Variants in ANKRD30B observed in about 807,000 individuals in gnomAD.
ANKRD30B encodes ankyrin repeat domain 30B.
A neutral mutation model predicts 202.2 loss-of-function variants in ANKRD30B; 144 were observed. The ratio of observed to expected loss-of-function variants is 0.71; its 90% CI spans 0.62 to 0.82. ANKRD30B has a LOEUF of 0.82. Among genes scored for constraint, ANKRD30B ranks in the 40% least tolerant of loss-of-function variants. The pLI, the probability that ANKRD30B is intolerant of heterozygous loss-of-function variation, is 0.00. For missense variants in ANKRD30B, 1,487 were observed against 1,669.1 expected (o/e 0.89, Z 1.90); for synonymous variants, 508 against 561.3 (o/e 0.91, Z 1.34).
chr18:14,795,320 C>T (rs1352809953), intron 16 of ANKRD30B, among the ~76,000 whole-genome samples: 1 of 152,196 alleles, frequency 6.6e-6, no homozygotes, highest in African/African-American at 2.4e-5. Context: ...GCTCCGGCTC[C>T]CAAGTAGCTG....
At chr18:14,831,677 G>C (rs1191105625) in intron 34 of ANKRD30B, among the ~76,000 whole-genome samples, 1 of 151,832 alleles carries the variant, frequency 6.6e-6, no homozygotes, top group Non-Finnish European at 1.5e-5. Context: ...CAAATGATTG[G>C]TAAATACTCT....
chr18:14,793,043 A>T (rs1487391101), intron 16 of ANKRD30B, among the ~76,000 whole-genome samples: 1 of 152,162 alleles, frequency 6.6e-6, no homozygotes. Flanking sequence ...ATCAATATTG[A>T]GGGCTAATTA....
At chr18:14,890,613 G>A in the ANKRD30B span, among the ~76,000 whole-genome samples, 1 of 150,908 alleles carries the variant, frequency 6.6e-6, no homozygotes, top group African/African-American at 2.4e-5. Context: ...AGACATTCTG[G>A]CTCTTAATCA....
the ANKRD30B span, among the ~76,000 whole-genome samples, chr18:14,925,494 G>GGGTTTT: frequency 6.6e-5 from 10 of 152,252 alleles, no homozygotes; most frequent in Admixed American, 1.3e-4. Flanking sequence ...CTACAGCCTG[G>GGGTTTT]GGTTTTGGTT....
chr18:14,755,237 T>C (rs1163209830), intron 4 of ANKRD30B, among the ~76,000 whole-genome samples: 1 of 152,182 alleles, frequency 6.6e-6, no homozygotes, highest in African/African-American at 2.4e-5. Flanking sequence ...TTATTTGTAA[T>C]CTGATGATTT....
At chr18:14,824,308 A>G (rs1970578074) in intron 32 of ANKRD30B, among the ~76,000 whole-genome samples, 1 of 152,216 alleles carries the variant, frequency 6.6e-6, no homozygotes, top group Non-Finnish European at 1.5e-5. Flanking sequence ...GCTTCAACTA[A>G]TATTAGAAAT....
intron 32 of ANKRD30B, chr18:14,825,030 G>A (rs1377234150): frequency 6.6e-6 from 1 of 152,170 alleles, no homozygotes; most frequent in Non-Finnish European, 1.5e-5. Flanking sequence ...GCTTTAAGCA[G>A]CTTTTTCAAT....
the ANKRD30B span, among the ~76,000 whole-genome samples, chr18:14,873,099 G>C: frequency 2.6e-5 from 4 of 152,244 alleles, no homozygotes; most frequent in African/African-American, 9.6e-5. Context: ...GTCTGGGACA[G>C]TGGAACGTAG....
intron 4 of ANKRD30B, among the ~76,000 whole-genome samples, chr18:14,756,442 C>T (rs1914379824): frequency 6.6e-6 from 1 of 152,100 alleles, no homozygotes; most frequent in African/African-American, 2.4e-5. Flanking sequence ...GCTTTTGTTG[C>T]CATTGCTTTT....
At chr18:14,850,942 AT>A (rs1423028800) in intron 41 of ANKRD30B, among the ~76,000 whole-genome samples, 1 of 151,924 alleles carries the variant, frequency 6.6e-6, no homozygotes, top group Non-Finnish European at 1.5e-5. Flanking sequence ...TCCTTTCAGA[AT>A]TGTGATAACT....
At chr18:14,759,473 G>A (rs1350180299) in intron 5 of ANKRD30B, among the ~76,000 whole-genome samples, 2 of 152,134 alleles carry the variant, frequency 1.3e-5, no homozygotes, top group Non-Finnish European at 2.9e-5. Flanking sequence ...GTTGTTAGTA[G>A]GCCTCTCAGA....
At chr18:14,834,395 G>A (rs1348006162) in intron 34 of ANKRD30B, among the ~76,000 whole-genome samples, 1 of 151,930 alleles carries the variant, frequency 6.6e-6, no homozygotes, top group Admixed American at 6.6e-5. Context: ...CATTGAAGAA[G>A]GGTAAGATAA....
chr18:14,780,288 A>T (rs146768168), intron 11 of ANKRD30B, among the ~76,000 whole-genome samples: 1,746 of 152,196 alleles, frequency 0.011, 39 homozygotes, highest in African/African-American at 0.04. Context: ...TGTACTAAAA[A>T]TACAAAATTA....
intron 3 of ANKRD30B, 149 bp from the exon 4 acceptor site, chr18:14,754,750 C>G (rs1914058978): frequency 2.0e-6 from 1 of 501,928 alleles, no homozygotes; most frequent in South Asian, 5.9e-5. Flanking sequence ...TGGGAAAGCA[C>G]AGAAAAAGGA....
In ANKRD30B at chr18:14,763,681, G is replaced by A. The variant is rs1915616304; in HGVS notation, c.821-5G>A. 2 of 1,613,306 alleles carry A rather than the reference G, an allele frequency of 1.2e-6. No homozygotes were observed. Among genetic ancestry groups the A allele is most frequent in the Non-Finnish European group, 1.7e-6 (2 of 1,179,756 alleles). On this transcript the variant is annotated splice_region_variant and splice_polypyrimidine_tract_variant and intron_variant, in intron 6 of 43. Transcript: ENST00000690538. ...GAAAATTTAACCAGATTGTGTGTTT[G>A]GCAGAAGGAACATCTACAGGAACAC...
chr18:14,799,679 T>C (rs114531101), intron 22 of ANKRD30B, among the ~76,000 whole-genome samples: 2,596 of 152,210 alleles, frequency 0.017, 86 homozygotes, highest in African/African-American at 0.06. Context: ...AGGTGACAGT[T>C]GTGAGCATTG....
chr18:14,917,351 G>A, the ANKRD30B span, among the ~76,000 whole-genome samples: 1 of 151,762 alleles, frequency 6.6e-6, no homozygotes, highest in African/African-American at 2.4e-5. Context: ...TTTCCCCACT[G>A]TGTGTTCCCT....
chr18:14,821,543 C>T (rs896391448), intron 30 of ANKRD30B, among the ~76,000 whole-genome samples: 20 of 152,144 alleles, frequency 1.3e-4, no homozygotes, highest in African/African-American at 3.4e-4. Context: ...CTGCCACCTC[C>T]GCCTCCTGGG....
chr18:14,924,791 G>A, the ANKRD30B span, among the ~76,000 whole-genome samples: 1 of 152,056 alleles, frequency 6.6e-6, no homozygotes, highest in African/African-American at 2.4e-5. Flanking sequence ...AAGATTCCTG[G>A]TGTTCCCCAG....
Sources: allele counts gnomAD v4.1 joint callset (sites outside exome capture counted in the v4.1 genomes callset), GRCh38; gene constraint gnomAD v4.1.1; transcripts MANE v1.5; gene names NCBI Gene and HGNC (gene_info 2026-07-23, HGNC 2026-07-21).